Variants in FLACC1 observed in about 807,000 individuals in gnomAD.
The protein encoded by FLACC1 is flagellum-associated coiled-coil domain-containing protein 1.
Under a neutral mutation model 62.8 loss-of-function variants are expected in FLACC1, and 66 were observed. The ratio of observed to expected loss-of-function variants is 1.05; its 90% CI spans 0.86 to 1.29. The LOEUF is 1.29. Ranked by LOEUF, FLACC1 falls within the 50% of genes most tolerant of loss-of-function variation. FLACC1 has a pLI of 0.00. For missense variants in FLACC1, 452 were observed against 489.1 expected, an observed-to-expected ratio of 0.92 and a Z score of 0.71; for synonymous variants, 156 against 161.0, an observed-to-expected ratio of 0.97 and a Z score of 0.24.
At chr2:201,348,341 C>A (rs1323632415) in intron 3 of FLACC1, 39 bp from the exon 4 acceptor site, 6 of 1,603,476 alleles carry the variant, frequency 3.7e-6, no homozygotes, top group Non-Finnish European at 5.1e-6. Flanking sequence ...AACCAGACAG[C>A]AAAGAGAAGT....
chr2:201,338,835 A>G (rs1263954898), intron 7 of FLACC1, among the ~76,000 whole-genome samples: 5 of 152,210 alleles, frequency 3.3e-5, no homozygotes, highest in Non-Finnish European at 4.4e-5. Flanking sequence ...AGATTTTTGC[A>G]TCTGTGTTCA....
At chr2:201,358,954 G>T (rs1459682261), upstream of FLACC1, among the ~76,000 whole-genome samples, 1 of 152,120 alleles carries the variant, frequency 6.6e-6, no homozygotes, top group Non-Finnish European at 1.5e-5. Context: ...GTTAAACAGA[G>T]AAGAGATCTG....
At chr2:201,308,493 G>A (rs1950151794) in intron 10 of FLACC1, among the ~76,000 whole-genome samples, 1 of 152,154 alleles carries the variant, frequency 6.6e-6, no homozygotes, top group Non-Finnish European at 1.5e-5. Context: ...AATAAATGTG[G>A]TTGGCGTGGA....
chr2:201,329,667 A>G (rs1167924937), intron 9 of FLACC1, among the ~76,000 whole-genome samples: 1 of 152,240 alleles, frequency 6.6e-6, no homozygotes, highest in Non-Finnish European at 1.5e-5. Context: ...AGAGGCTATT[A>G]TCCTAAAGCC....
upstream of FLACC1, among the ~76,000 whole-genome samples, chr2:201,361,573 C>T (rs1183109606): frequency 2.6e-5 from 4 of 152,144 alleles, no homozygotes; most frequent in African/African-American, 9.7e-5. Flanking sequence ...AGTACCCTTA[C>T]ATTTATATAT....
intron 9 of FLACC1, among the ~76,000 whole-genome samples, chr2:201,325,659 A>G (rs981144896): frequency 2.0e-5 from 3 of 152,198 alleles, no homozygotes; most frequent in African/African-American, 7.2e-5. Context: ...ACAAGCAGCA[A>G]GATTGAATCA....
chr2:201,323,596 G>A (rs1950444365), intron 9 of FLACC1, among the ~76,000 whole-genome samples: 1 of 151,986 alleles, frequency 6.6e-6, no homozygotes, highest in Non-Finnish European at 1.5e-5. Flanking sequence ...CTACCAGCCT[G>A]GCCACATGGC....
At chr2:201,310,459 A>T (rs1215444429) in intron 9 of FLACC1, among the ~76,000 whole-genome samples, 2 of 152,136 alleles carry the variant, frequency 1.3e-5, no homozygotes, top group Non-Finnish European at 2.9e-5. Flanking sequence ...GCCAACTAGA[A>T]CTAGTTGGTC....
chr2:201,304,633 T>G (rs1330563580), intron 11 of FLACC1, among the ~76,000 whole-genome samples: 1 of 152,194 alleles, frequency 6.6e-6, no homozygotes, highest in Non-Finnish European at 1.5e-5. Context: ...AAGACAATCC[T>G]AAGCCAAAAG....
the FLACC1 span, among the ~76,000 whole-genome samples, chr2:201,362,405 G>C: frequency 2.0e-5 from 3 of 151,978 alleles, no homozygotes; most frequent in Non-Finnish European, 4.4e-5. Flanking sequence ...TAGCAAGATA[G>C]TGTGTAAAGA....
chr2:201,359,392 A>G (rs758974895), upstream of FLACC1, among the ~76,000 whole-genome samples: 98 of 152,206 alleles, frequency 6.4e-4, no homozygotes, highest in Admixed American at 1.6e-3. Context: ...AAGCAGATTT[A>G]GGAGTCTTCA....
chr2:201,361,281 G>C (rs912295611), upstream of FLACC1, among the ~76,000 whole-genome samples: 1 of 152,160 alleles, frequency 6.6e-6, no homozygotes, highest in Non-Finnish European at 1.5e-5. Context: ...AAGGTTTGTG[G>C]GTGATGCTGC....
intron 10 of FLACC1, 35 bp downstream of exon 10, chr2:201,309,116 C>A (rs192227458): frequency 3.4e-5 from 54 of 1,570,768 alleles, no homozygotes; most frequent in Admixed American, 3.0e-4. Context: ...TTTTAATGCA[C>A]TTGTCATCAA....
intron 9 of FLACC1, among the ~76,000 whole-genome samples, chr2:201,327,788 A>G (rs1576451487): frequency 6.6e-6 from 1 of 152,194 alleles, no homozygotes; most frequent in East Asian, 1.9e-4. Context: ...TTACCATTCA[A>G]TCTAGCAATC....
intron 1 of FLACC1, among the ~76,000 whole-genome samples, chr2:201,353,800 G>T (rs1951071643): frequency 6.6e-6 from 1 of 152,156 alleles, no homozygotes; most frequent in Non-Finnish European, 1.5e-5. Flanking sequence ...GTTTCGCCAT[G>T]TTGATCAGGC....
At chr2:201,355,896 C>G (rs1225802086) in intron 1 of FLACC1, among the ~76,000 whole-genome samples, 2 of 151,960 alleles carry the variant, frequency 1.3e-5, no homozygotes, top group Admixed American at 6.6e-5. Context: ...AAATAAAGGC[C>G]TTTTTCTTTG....
intron 2 of FLACC1, 151 bp from the exon 3 acceptor site, chr2:201,350,933 C>G: frequency 1.4e-6 from 1 of 694,028 alleles, no homozygotes; most frequent in Admixed American, 2.8e-5. Flanking sequence ...GCCTTTAAAA[C>G]TCAGGCCCAA....
chr2:201,321,564 G>A (rs1457232271), intron 9 of FLACC1, among the ~76,000 whole-genome samples: 2 of 152,178 alleles, frequency 1.3e-5, no homozygotes, highest in Admixed American at 1.3e-4. Context: ...TGCAACTATA[G>A]ACAGTCTTTC....
intron 12 of FLACC1, among the ~76,000 whole-genome samples, chr2:201,294,040 A>G (rs1379252816): frequency 6.6e-6 from 1 of 152,208 alleles, no homozygotes; most frequent in Non-Finnish European, 1.5e-5. Context: ...ATAGCTTACT[A>G]ACCAAAAAAA....
Sources: allele counts gnomAD v4.1 joint callset (sites outside exome capture counted in the v4.1 genomes callset), GRCh38; gene constraint gnomAD v4.1.1; transcripts MANE v1.5; gene names NCBI Gene and HGNC (gene_info 2026-07-23, HGNC 2026-07-21).